Variants in PDZRN3 observed in about 807,000 individuals in gnomAD.
PDZRN3 encodes PDZ domain containing ring finger 3.
Under a neutral mutation model 85.7 loss-of-function variants are expected in PDZRN3, and 38 were observed. The ratio of observed to expected loss-of-function variants is 0.44; its 90% CI spans 0.34 to 0.58. The LOEUF (loss-of-function observed/expected upper bound fraction) is 0.58. Ranked by LOEUF, PDZRN3 falls within the 20% of genes least tolerant of loss-of-function variation. The probability of loss-of-function intolerance (pLI) is 0.01; values close to 1 mark genes in which losing one functional copy is unlikely to be tolerated. For missense variants in PDZRN3, 1,629 were observed against 1,506.4 expected (o/e 1.08, Z -1.35); for synonymous variants, 759 against 638.0 (o/e 1.19, Z -2.86).
At chr3:73,491,880 C>T (rs988301704) in intron 3 of PDZRN3, among the ~76,000 whole-genome samples, 10 of 152,048 alleles carry the variant, frequency 6.6e-5, no homozygotes, top group African/African-American at 2.2e-4. Flanking sequence ...GGATTACAGG[C>T]ATGAGCGACC....
At chr3:73,587,741 G>C (rs556198877) in intron 3 of PDZRN3, among the ~76,000 whole-genome samples, 2 of 152,174 alleles carry the variant, frequency 1.3e-5, no homozygotes, top group African/African-American at 4.8e-5. Flanking sequence ...ACAGCCCTGG[G>C]CATGCTGAAG....
At chr3:73,544,391 T>G (rs1701369962) in intron 3 of PDZRN3, among the ~76,000 whole-genome samples, 1 of 149,340 alleles carries the variant, frequency 6.7e-6, no homozygotes. Flanking sequence ...ATTTTTGGAT[T>G]TTTTTTTTCC....
intron 3 of PDZRN3, among the ~76,000 whole-genome samples, chr3:73,564,872 G>T (rs1242396669): frequency 1.3e-5 from 2 of 152,158 alleles, no homozygotes; most frequent in African/African-American, 4.8e-5. Context: ...CAGCTAATAG[G>T]TGTAAGCATG....
chr3:73,479,884 C>T (rs995242001), intron 3 of PDZRN3, among the ~76,000 whole-genome samples: 4 of 150,804 alleles, frequency 2.7e-5, no homozygotes, highest in African/African-American at 7.3e-5. Flanking sequence ...TTGCGGGGGG[C>T]GGGGGTAGAT....
intron 3 of PDZRN3, among the ~76,000 whole-genome samples, chr3:73,449,159 G>T (rs1331240604): frequency 6.6e-6 from 1 of 152,132 alleles, no homozygotes. Context: ...AATCCAACTT[G>T]TCAAAAAGGG....
chr3:73,501,924 G>A (rs1375990359), intron 3 of PDZRN3, among the ~76,000 whole-genome samples: 2 of 152,192 alleles, frequency 1.3e-5, no homozygotes, highest in Non-Finnish European at 2.9e-5. Context: ...GCTGAGGCAG[G>A]AGAATCGCTT....
chr3:73,558,960 A>C (rs763296815), intron 3 of PDZRN3, among the ~76,000 whole-genome samples: 2 of 152,178 alleles, frequency 1.3e-5, no homozygotes, highest in Non-Finnish European at 2.9e-5. Context: ...CTTCAAGTTT[A>C]CCCAAGAACT....
chr3:73,569,052 T>C, intron 3 of PDZRN3: 1 of 589,766 alleles, frequency 1.7e-6, no homozygotes, highest in Non-Finnish European at 2.8e-6. Flanking sequence ...TGAGGTCCTA[T>C]GAAGTAAAAT....
At chr3:73,445,861 G>C (rs765597547) in intron 3 of PDZRN3, among the ~76,000 whole-genome samples, 3 of 152,224 alleles carry the variant, frequency 2.0e-5, no homozygotes, top group Non-Finnish European at 4.4e-5. Context: ...GATGGCCAGA[G>C]CCCAGGGGCA....
At position 73,422,855 on chromosome 3, in the gene PDZRN3, G is replaced by A. The variant is rs192968045; in HGVS notation, c.919-18460C>T. The stretch of plus-strand genomic sequence containing the variant: ...ACTTTAAATACTGGGAAGTTTCCAG[G>A]TACTCAGTCCAATGCTATAAATCTT... On this transcript the variant is annotated intron_variant, in intron 3 of 9. Transcript: ENST00000263666. Among the ~76,000 whole-genome samples, 747 of 152,198 alleles carry A rather than the reference G, an allele frequency of 4.9e-3. 5 individuals are homozygous for A. Among genetic ancestry groups the A allele is most frequent in the Non-Finnish European group, 7.7e-3 (521 of 68,020 alleles).
chr3:73,438,797 A>G (rs1702579497), intron 3 of PDZRN3, among the ~76,000 whole-genome samples: 1 of 152,176 alleles, frequency 6.6e-6, no homozygotes, highest in African/African-American at 2.4e-5. Context: ...CAATAAACCC[A>G]TCAAGCTCAA....
intron 3 of PDZRN3, chr3:73,556,873 A>G (rs747628562): frequency 6.6e-6 from 1 of 152,280 alleles, no homozygotes; most frequent in Non-Finnish European, 1.5e-5. Flanking sequence ...CCACGCTGGG[A>G]CCCTGAACCT....
chr3:73,511,348 T>C lies in PDZRN3; in HGVS notation c.918+91006A>G, dbSNP rs540602497. 4.6e-5 allele frequency among the ~76,000 whole-genome samples: 7 copies of C among 152,250 alleles called. No homozygotes were observed. The South Asian group carries it at 1.0e-3, about 23-fold the overall frequency. Reference sequence around the variant, plus strand: ...TCTCTTAGCCCTTTGTTGTCCATGCTAGAAAAAAGATCATCCTTTATAAAA... The same window carrying C: ...TCTCTTAGCCCTTTGTTGTCCATGCCAGAAAAAAGATCATCCTTTATAAAA... On this transcript the variant is annotated intron_variant, in intron 3 of 9. Coordinates refer to ENST00000263666, the MANE Select transcript of PDZRN3 (RefSeq NM_015009.3).
chr3:73,490,835 A>G (rs965755063), intron 3 of PDZRN3, among the ~76,000 whole-genome samples: 12 of 152,232 alleles, frequency 7.9e-5, no homozygotes, highest in African/African-American at 2.7e-4. Flanking sequence ...CTTCAAAGGA[A>G]TTCAAGTGAC....
chr3:73,548,799 G>A (rs1033910181), intron 3 of PDZRN3, among the ~76,000 whole-genome samples: 2 of 152,100 alleles, frequency 1.3e-5, no homozygotes, highest in Non-Finnish European at 1.5e-5. Flanking sequence ...ATAGATTGTC[G>A]CCAAAGAAAG....
chr3:73,397,909 T>G (rs2106711881), intron 5 of PDZRN3, among the ~76,000 whole-genome samples: 1 of 152,330 alleles, frequency 6.6e-6, no homozygotes, highest in Middle Eastern at 3.4e-3. Context: ...GCCCTTATTC[T>G]GGTTGTTTAA....
At chr3:73,589,099 G>A (rs961529216) in intron 3 of PDZRN3, among the ~76,000 whole-genome samples, 2 of 150,748 alleles carry the variant, frequency 1.3e-5, no homozygotes, top group African/African-American at 2.4e-5. Context: ...CCAGGCTGGA[G>A]TGCAGTGGTG....
At chr3:73,421,815 T>C (rs1702208995) in intron 3 of PDZRN3, among the ~76,000 whole-genome samples, 1 of 151,954 alleles carries the variant, frequency 6.6e-6, no homozygotes, top group Admixed American at 6.6e-5. Context: ...GACCAGCTCT[T>C]TTTTTGTATT....
intron 3 of PDZRN3, among the ~76,000 whole-genome samples, chr3:73,527,413 G>C (rs150244533): frequency 1.1e-3 from 164 of 152,162 alleles, no homozygotes; most frequent in African/African-American, 2.8e-3. Context: ...TGCATTCATA[G>C]TAAAGGGCAG....
Sources: allele counts gnomAD v4.1 joint callset (sites outside exome capture counted in the v4.1 genomes callset), GRCh38; gene constraint gnomAD v4.1.1; transcripts MANE v1.5; gene names NCBI Gene and HGNC (gene_info 2026-07-23, HGNC 2026-07-21).